The following XDH variants were observed in gnomAD, a reference collection of about 807,000 sequenced individuals.
XDH encodes xanthine dehydrogenase, also known as xanthine dehydrogenase/oxidase.
A neutral mutation model predicts 156.1 loss-of-function variants in XDH; 138 were observed. The ratio of observed to expected loss-of-function variants is 0.88; its 90% CI spans 0.77 to 1.02. The LOEUF (loss-of-function observed/expected upper bound fraction) is 1.02. Ranked by LOEUF, XDH falls within the 50% of genes least tolerant of loss-of-function variation. The pLI, the probability that XDH is intolerant of heterozygous loss-of-function variation, is 0.00. For missense variants in XDH, 1,849 were observed against 1,684.9 expected (o/e 1.10, Z -1.71); for synonymous variants, 669 against 625.7 (o/e 1.07, Z -1.03).
Position 31,337,677 on chromosome 2 carries a change from C to A in XDH, c.3915G>T (p.Lys1305Asn). The A allele has an allele frequency of 6.2e-7, 1 of 1,614,238 alleles. No homozygotes were observed. The highest frequency in any genetic ancestry group is 8.5e-7 in the Non-Finnish European group (1 of 1,180,044). Residue 1305 changes from lysine (K) to asparagine (N), a missense_variant, in exon 35 of 36, where the codon AAG (lysine) becomes AAT (asparagine). By Grantham distance (94) the Lys-to-Asn change is moderately conservative (BLOSUM62 0). Coordinates refer to ENST00000379416, the MANE Select transcript of XDH (RefSeq NM_000379.4). ...FRLDSPATPE[K>N]IRNACVDKFT... ...ACTTGTCCACGCAGGCATTGCGGATCTTCTCCGGGGTGGCAGGGCTGTCTA... is the reference window on the plus strand; with the variant it reads ...ACTTGTCCACGCAGGCATTGCGGATATTCTCCGGGGTGGCAGGGCTGTCTA...
chr2:31,364,352 G>C, intron 23 of XDH, 108 bp from the exon 24 acceptor site: 1 of 1,090,094 alleles, frequency 9.2e-7, no homozygotes, highest in Non-Finnish European at 1.4e-6. Flanking sequence ...GAAATAAACA[G>C]AACACCACAT....
At chr2:31,363,187 C>T (rs921584917) in intron 24 of XDH, among the ~76,000 whole-genome samples, 5 of 152,154 alleles carry the variant, frequency 3.3e-5, no homozygotes, top group Non-Finnish European at 5.9e-5. Context: ...GGGTGCATGC[C>T]TGTAATCCCA....
chr2:31,401,273 C>G lies in XDH; in HGVS notation c.253G>C (p.Val85Leu), dbSNP rs1687050691. The part of the protein sequence containing the change: ...APICSLHHVA[V>L]TTVEGIGSTK... ...CTTCCTATTCCTTCCACAGTTGTCA[C>G]TGCAACATGGTGCAAGGAGCAGATG... The change falls in exon 4 of 36, where the codon GTG becomes CTG. Residue 85 changes from valine (V) to leucine (L), a missense_variant. Physicochemically the swap from Val to Leu is conservative, Grantham distance 32. Transcript: ENST00000379416. 6.2e-7 allele frequency: 1 copy of G among 1,614,198 alleles called. No individual in the cohort carries two copies.
intron 6 of XDH, among the ~76,000 whole-genome samples, chr2:31,397,249 A>C (rs1686934673): frequency 6.6e-6 from 1 of 152,176 alleles, no homozygotes; most frequent in South Asian, 2.1e-4. Flanking sequence ...CAGCCACAGA[A>C]AGCAGCCAGG....
chr2:31,343,304 A>ATATATATATATATGCATGTT (rs1553411617), intron 31 of XDH, among the ~76,000 whole-genome samples: 12 of 101,402 alleles, frequency 1.2e-4, no homozygotes, highest in African/African-American at 4.9e-4. Flanking sequence ...ATATATATAT[A>ATATATATATATATGCATGTT]TATATATATA....
At chr2:31,376,273 A>G (rs1195056298) in intron 14 of XDH, among the ~76,000 whole-genome samples, 1 of 150,760 alleles carries the variant, frequency 6.6e-6, no homozygotes, top group African/African-American at 2.4e-5. Flanking sequence ...AGTAATAGTC[A>G]TAGAAGCAGT....
intron 3 of XDH, among the ~76,000 whole-genome samples, chr2:31,402,681 G>A (rs1443743562): frequency 6.6e-6 from 1 of 152,150 alleles, no homozygotes; most frequent in Admixed American, 6.5e-5. Context: ...ATGGAGTGCT[G>A]GGCCCATGGT....
chr2:31,378,175 G>GAAGGAAAGAAGGAAGGAAGGAAGC lies in XDH; in HGVS notation c.1243-939_1243-938insGCTTCCTTCCTTCCTTCTTTCCTT, dbSNP rs1686325599. On this transcript the variant is annotated intron_variant, in intron 13 of 35. Transcript: ENST00000379416. Reference sequence around the variant, plus strand: ...GGAAGGAAGGAAGGAAGGAAGGAAGGAAGCAAGCAAGCAAGCAAAGCAAGA... The same window carrying GAAGGAAAGAAGGAAGGAAGGAAGC: ...GGAAGGAAGGAAGGAAGGAAGGAAGGAAGGAAAGAAGGAAGGAAGGAAGCAAGCAAGCAAGCAAGCAAAGCAAGA... Among the ~76,000 whole-genome samples, 68 of 71,556 alleles carry GAAGGAAAGAAGGAAGGAAGGAAGC rather than the reference G, an allele frequency of 9.5e-4. 4 individuals carry two copies. The highest frequency in any genetic ancestry group is 3.8e-3 in the African/African-American group (65 of 17,096). The allele number at this position is 71,556 out of a possible 152,430, so 46.9% of individuals were successfully genotyped here. A position where few individuals can be genotyped will look rare whatever the true frequency, so the allele number is the denominator to read the frequency against.
At chr2:31,393,221 T>C (rs1686813613) in intron 6 of XDH, among the ~76,000 whole-genome samples, 1 of 152,238 alleles carries the variant, frequency 6.6e-6, no homozygotes, top group Non-Finnish European at 1.5e-5. Flanking sequence ...ATTTCTGATA[T>C]AAGGGTGTTG....
At chr2:31,365,683 C>G in intron 22 of XDH, 139 bp from the exon 23 acceptor site, 1 of 1,090,972 alleles carries the variant, frequency 9.2e-7, no homozygotes, top group Admixed American at 1.8e-5. Context: ...GCTTTGCCAT[C>G]TAGGCACTGT....
chr2:31,405,427 C>T (rs1335984147), intron 2 of XDH, among the ~76,000 whole-genome samples: 1 of 152,152 alleles, frequency 6.6e-6, no homozygotes, highest in Non-Finnish European at 1.5e-5. Context: ...TCCCTGTTTG[C>T]TGTTTCTACA....
At chr2:31,412,493 G>T (rs879602622) in intron 1 of XDH, among the ~76,000 whole-genome samples, 8 of 152,092 alleles carry the variant, frequency 5.3e-5, no homozygotes, top group Non-Finnish European at 1.2e-4. Flanking sequence ...GGGGTGGGGG[G>T]AGAGGGGAGG....
intron 14 of XDH, 107 bp downstream of exon 14, chr2:31,376,946 A>T: frequency 7.1e-7 from 1 of 1,418,428 alleles, no homozygotes; most frequent in Non-Finnish European, 9.9e-7. Context: ...TGGTAGTAGT[A>T]GCAGCAATAG....
intron 24 of XDH, among the ~76,000 whole-genome samples, chr2:31,351,788 T>G (rs1423964966): frequency 2.2e-4 from 34 of 152,240 alleles, no homozygotes; most frequent in Admixed American, 2.2e-3. Context: ...AATTTGGAAG[T>G]AGGCTTTCCA....
rs1037526659 is a variant in XDH, at chr2:31,383,949, C to T, written c.794-102G>A. The T allele has an allele frequency of 6.9e-6, 7 of 1,016,984 alleles. No individual in the cohort carries two copies. In the African/African-American group the frequency reaches 1.1e-4, roughly 16 times the overall value. The allele number at this position is 1,016,984 out of a possible 1,614,324, so 63.0% of individuals were successfully genotyped here. A position where few individuals can be genotyped will look rare whatever the true frequency, so the allele number is the denominator to read the frequency against. On this transcript the variant is annotated intron_variant, in intron 9 of 35. Coordinates refer to ENST00000379416, the MANE Select transcript of XDH (RefSeq NM_000379.4). ...ATTACACACAGGATATATGACATAT[C>T]CACAATCATAATATGCTCTCTGGTG...
intron 24 of XDH, among the ~76,000 whole-genome samples, chr2:31,363,403 T>G (rs996048770): frequency 1.3e-5 from 2 of 152,180 alleles, no homozygotes; most frequent in African/African-American, 4.8e-5. Context: ...AGTGTATGGT[T>G]CTATAAAATG....
chr2:31,343,285 CATATATAT>C (rs60481824), intron 31 of XDH, among the ~76,000 whole-genome samples: 4,656 of 68,096 alleles, frequency 0.068, 196 homozygotes, highest in East Asian at 0.12. Flanking sequence ...ATTTCTTCAC[CATATATAT>C]ATATATATAT....
chr2:31,359,415 C>T (rs1685714874), intron 24 of XDH, among the ~76,000 whole-genome samples: 2 of 150,306 alleles, frequency 1.3e-5, no homozygotes, highest in Admixed American at 6.6e-5. Flanking sequence ...CCTTTTAGTA[C>T]AGGCGAAGTG....
intron 4 of XDH, among the ~76,000 whole-genome samples, chr2:31,399,257 G>C (rs751870924): frequency 2.0e-5 from 3 of 152,174 alleles, no homozygotes; most frequent in Non-Finnish European, 4.4e-5. Context: ...TGTCAAATAG[G>C]CAATTGGAAA....
Sources: allele counts gnomAD v4.1 joint callset (sites outside exome capture counted in the v4.1 genomes callset), GRCh38; gene constraint gnomAD v4.1.1; transcripts MANE v1.5; gene names NCBI Gene and HGNC (gene_info 2026-07-23, HGNC 2026-07-21).